CDC42BPB: variants seen among roughly 807,000 people sequenced by gnomAD.
CDC42BPB encodes the protein serine/threonine-protein kinase MRCK beta.
In CDC42BPB, 37 loss-of-function variants were observed where a neutral mutation model predicts 214.9. The observed-to-expected ratio is 0.17, with a 90% confidence interval of 0.13 to 0.23. The LOEUF is 0.23. Among genes scored for constraint, CDC42BPB ranks in the 10% least tolerant of loss-of-function variants. The pLI is 1.00. For missense variants in CDC42BPB, 1,694 were observed against 2,227.0 expected (o/e 0.76, Z 4.82); for synonymous variants, 931 against 884.0 (o/e 1.05, Z -0.94).
intron 24 of CDC42BPB, 190 bp from the exon 25 acceptor site, chr14:102,950,792 C>G (rs1189334096): frequency 1.8e-6 from 1 of 545,624 alleles, no homozygotes; most frequent in East Asian, 1.5e-4. Flanking sequence ...ATGGTGAAAT[C>G]CCGCCTTTAT....
intron 1 of CDC42BPB, among the ~76,000 whole-genome samples, chr14:103,038,152 T>G (rs570118992): frequency 6.6e-5 from 10 of 150,736 alleles, no homozygotes; most frequent in Non-Finnish European, 1.5e-4. Context: ...CTGGTCAACA[T>G]GGCGAAACCC....
intron 27 of CDC42BPB, among the ~76,000 whole-genome samples, chr14:102,947,431 A>AG (rs1431333994): frequency 1.3e-5 from 2 of 152,198 alleles, no homozygotes; most frequent in Non-Finnish European, 2.9e-5. Flanking sequence ...ACACGCTGTG[A>AG]GGACAGTGGC....
At chr14:102,972,316 T>C in intron 12 of CDC42BPB, 155 bp from the exon 13 acceptor site, 8 of 985,400 alleles carry the variant, frequency 8.1e-6, no homozygotes, top group Non-Finnish European at 8.4e-6. Context: ...AAAAGACCTG[T>C]GCTCTGTCTC....
At chr14:102,962,324 C>T (rs1417817945) in intron 20 of CDC42BPB, among the ~76,000 whole-genome samples, 1 of 152,164 alleles carries the variant, frequency 6.6e-6, no homozygotes, top group Non-Finnish European at 1.5e-5. Context: ...CGAAATACAC[C>T]GACAAAAACA....
chr14:102,986,439 T>C, intron 6 of CDC42BPB, 48 bp downstream of exon 6: 2 of 1,391,130 alleles, frequency 1.4e-6, no homozygotes, highest in Non-Finnish European at 2.0e-6. Context: ...CTTCTGACTA[T>C]ATGCCAAACC....
intron 20 of CDC42BPB, among the ~76,000 whole-genome samples, chr14:102,962,427 G>A (rs1302528296): frequency 6.6e-6 from 1 of 152,222 alleles, no homozygotes; most frequent in Non-Finnish European, 1.5e-5. Flanking sequence ...GCCAGCCCAC[G>A]GCAGCGCACA....
Position 102,978,150 on chromosome 14 carries a change from A to G in CDC42BPB, c.1196T>C (p.Ile399Thr). The G allele has an allele frequency of 6.2e-7, 1 of 1,613,758 alleles. No homozygotes were observed. The highest frequency in any genetic ancestry group is 8.5e-7 in the Non-Finnish European group (1 of 1,179,636). Residue 399 changes from isoleucine (I) to threonine (T), a missense_variant, in exon 9 of 37, where the codon ATT becomes ACT. By Grantham distance (89) the Ile-to-Thr change is moderately conservative. This residue lies in a region of CDC42BPB where 225 missense variants were observed against 459.3 expected (regional missense o/e 0.49). Transcript: ENST00000361246. The part of the protein sequence containing the change: ...TGFSGLHLPF[I>T]GFTFTTESCF... ...CCTTTCCGTTGTGAATGTAAAACCAATGAATGGCAAATGTAATCCAGAAAA... is the reference window on the plus strand; with the variant it reads ...CCTTTCCGTTGTGAATGTAAAACCAGTGAATGGCAAATGTAATCCAGAAAA...
chr14:103,000,449 G>C (rs930695837), intron 4 of CDC42BPB, among the ~76,000 whole-genome samples: 5 of 152,248 alleles, frequency 3.3e-5, no homozygotes, highest in African/African-American at 1.2e-4. Context: ...GGAGGCCCCA[G>C]TGGGGAGATC....
rs201318839 is a variant in CDC42BPB at position 102,959,859 on chromosome 14, AAG to A, written c.2822-151_2822-150del. 1,704 of 1,262,366 alleles carry A rather than the reference AAG, an allele frequency of 1.3e-3. 10 individuals carry two copies. The African/African-American group carries it at 0.022, about 17-fold the overall frequency. 78.2% of individuals were successfully genotyped at this position (1,262,366 alleles called of 1,614,324 possible). On this transcript the variant is annotated intron_variant, in intron 20 of 36. Transcript: ENST00000361246. ...CAATTAAAAAAAAAAAAAAAAAAAAAAGGGGTCAGGCTTTTCCCCAGAGAGTA... is the reference window on the plus strand; with the variant it reads ...CAATTAAAAAAAAAAAAAAAAAAAAAGGGTCAGGCTTTTCCCCAGAGAGTA...
At chr14:102,937,027 A>C (rs935675320) in intron 36 of CDC42BPB, 7 of 152,242 alleles carry the variant, frequency 4.6e-5, no homozygotes, top group African/African-American at 1.7e-4. Flanking sequence ...ATGAAAATAA[A>C]AAAAACAAAA....
At chr14:103,009,536 T>C (rs45577736) in intron 2 of CDC42BPB, among the ~76,000 whole-genome samples, 16 of 152,380 alleles carry the variant, frequency 1.1e-4, no homozygotes, top group Non-Finnish European at 2.1e-4. Context: ...AAGCGATCAA[T>C]GTTATCTTCT....
In CDC42BPB at chr14:102,943,972, G is replaced by A. The variant is rs1566843151; in HGVS notation, c.4327C>T (p.His1443Tyr). The change falls in exon 30 of 37, where the codon CAC becomes TAC. Residue 1443 changes from histidine (H) to tyrosine (Y), a missense_variant. Around this residue, in one of 7 missense-constraint regions of CDC42BPB, gnomAD observed 567 missense variants for 790.3 expected, o/e 0.72. Transcript: ENST00000361246. This position sits in a 1 kb window ranked among gnomAD's most constrained non-coding sequence, Gnocchi z 4.6. ...TGCGGGTCCACGTACAGTCCCATGT[G>A]GCTGAAGCAAAGCAGGTACTCCTCG... ...ESEEYLLCFS[H>Y]MGLYVDPQGR... The A allele has an allele frequency of 6.2e-7, 1 of 1,613,030 alleles. No individual in the cohort carries two copies. Among genetic ancestry groups the A allele is most frequent in the Non-Finnish European group, 8.5e-7 (1 of 1,180,018 alleles).
intron 12 of CDC42BPB, 186 bp from the exon 13 acceptor site, chr14:102,972,347 G>A: frequency 1.0e-6 from 1 of 985,330 alleles, no homozygotes; most frequent in Non-Finnish European, 1.2e-6. Flanking sequence ...CACAGGCAAT[G>A]GGAAGGCCGC....
intron 2 of CDC42BPB, among the ~76,000 whole-genome samples, chr14:103,010,020 G>A (rs1886059161): frequency 6.6e-6 from 1 of 152,186 alleles, no homozygotes; most frequent in Non-Finnish European, 1.5e-5. Flanking sequence ...GTACAGTGGT[G>A]CATGCCTGTG....
At chr14:103,030,999 A>G (rs192338270) in intron 1 of CDC42BPB, among the ~76,000 whole-genome samples, 21 of 152,184 alleles carry the variant, frequency 1.4e-4, no homozygotes, top group Admixed American at 1.2e-3. Context: ...CACACACACA[A>G]AAGTGTTCAG....
rs760956275 is a variant in CDC42BPB at position 102,976,069 on chromosome 14, GT to G, written c.1221-21del. 13 of 1,602,372 alleles carry G rather than the reference GT, an allele frequency of 8.1e-6. No homozygotes were observed. Among genetic ancestry groups the G allele is most frequent in the Admixed American group, 1.7e-5 (1 of 59,140 alleles). On this transcript the variant is annotated intron_variant, in intron 9 of 36. Coordinates refer to ENST00000361246, the MANE Select transcript of CDC42BPB (RefSeq NM_006035.4). ...AAACAGCTGGGAAACCAAGCAACAG[GT>G]TTTTTTGATCTACTGAAAATTTAGC... is the stretch of plus-strand genomic sequence containing the variant.
intron 9 of CDC42BPB, among the ~76,000 whole-genome samples, chr14:102,976,404 A>T (rs970512373): frequency 2.0e-5 from 3 of 152,262 alleles, no homozygotes; most frequent in Non-Finnish European, 4.4e-5. Flanking sequence ...AGCGGTACGC[A>T]TGGACCACTG....
In CDC42BPB at chr14:102,932,991, A is replaced by G. The variant is rs575796613; in HGVS notation, c.*721T>C. ...GGCCACAGGGCCTGCCTGCACCACG[A>G]CACTCGCTGGTTTTATGGCAGGAGG... On this transcript the variant is annotated 3_prime_UTR_variant, in exon 37 of 37. Coordinates refer to ENST00000361246, the MANE Select transcript of CDC42BPB (RefSeq NM_006035.4). 158 of 152,350 alleles carry G rather than the reference A, an allele frequency of 1.0e-3. 1 individual carries two copies. Among genetic ancestry groups the G allele is most frequent in the African/African-American group, 3.7e-3 (155 of 41,460 alleles). 9.4% of individuals were successfully genotyped at this position (152,350 alleles called of 1,614,324 possible).
intron 30 of CDC42BPB, chr14:102,941,091 C>T (rs1566840653): frequency 1.0e-6 from 1 of 981,614 alleles, no homozygotes; most frequent in East Asian, 1.1e-4. Flanking sequence ...AGCTGTGCCA[C>T]ACGACAAGGG....
Sources: gnomAD v4.1 joint callset for allele counts (sites outside exome capture counted in the v4.1 genomes callset) on GRCh38, gnomAD v4.1.1 for gene constraint, gnomAD v4.1.1 regional missense constraint, Gnocchi (gnomAD v3.1) non-coding constraint, MANE v1.5 for transcripts, NCBI Gene and HGNC (gene_info 2026-07-23, HGNC 2026-07-21) for gene names.